The following UBAP2L variants were observed in gnomAD, a reference collection of about 807,000 sequenced individuals.
UBAP2L encodes the protein ubiquitin associated protein 2 like, also known as ubiquitin-associated protein 2-like.
UBAP2L carries 12 observed loss-of-function variants against 130.6 expected under a neutral mutation model. The observed-to-expected ratio is 0.09, with a 90% CI of 0.06 to 0.15. The LOEUF (loss-of-function observed/expected upper bound fraction) is 0.15. Ranked by LOEUF, UBAP2L falls within the 10% of genes least tolerant of loss-of-function variation. UBAP2L has a pLI of 1.00. For missense variants in UBAP2L, 965 were observed against 1,332.5 expected (o/e 0.72, Z 4.29); for synonymous variants, 503 against 524.7 (o/e 0.96, Z 0.57).
At chr1:154,238,498 A>G (rs528213697) in intron 8 of UBAP2L, among the ~76,000 whole-genome samples, 1 of 152,234 alleles carries the variant, frequency 6.6e-6, no homozygotes, top group Non-Finnish European at 1.5e-5. Flanking sequence ...TTTAGTTGTG[A>G]ATAGAAATTC....
intron 8 of UBAP2L, 61 bp from the exon 9 acceptor site, chr1:154,241,452 A>G (rs1432821594): frequency 1.8e-5 from 28 of 1,547,630 alleles, no homozygotes; most frequent in East Asian, 1.1e-4. Context: ...GATGTTTTCT[A>G]TACATGCTTT....
At chr1:154,263,237 G>A in intron 24 of UBAP2L, 2 of 1,543,358 alleles carry the variant, frequency 1.3e-6, no homozygotes, top group Non-Finnish European at 1.7e-6. Context: ...CCACTGAGGA[G>A]AGCCTGCTGA....
At chr1:154,257,479 G>A in intron 20 of UBAP2L, 45 bp downstream of exon 20, 3 of 1,605,062 alleles carry the variant, frequency 1.9e-6, no homozygotes, top group Non-Finnish European at 2.6e-6. Flanking sequence ...AGGATGTTGT[G>A]GCTACTCTTT....
At chr1:154,259,332 A>G (rs773831966) in intron 21 of UBAP2L, among the ~76,000 whole-genome samples, 38 of 152,154 alleles carry the variant, frequency 2.5e-4, no homozygotes, top group Non-Finnish European at 4.9e-4. Context: ...CTGGGATTAA[A>G]GGTGCCCACC....
At chr1:154,231,471 T>G (rs1178289522) in intron 4 of UBAP2L, among the ~76,000 whole-genome samples, 2 of 151,866 alleles carry the variant, frequency 1.3e-5, no homozygotes, top group Non-Finnish European at 2.9e-5. Flanking sequence ...TGGCTGATTT[T>G]GGTATGTTTA....
Position 154,251,505 on chromosome 1 carries a change from C to A in UBAP2L, c.1516C>A (p.Pro506Thr). 1 of 1,613,964 alleles carries A rather than the reference C, an allele frequency of 6.2e-7. No individual in the cohort carries two copies. The part of the protein sequence containing the change: ...SKIPALAVEM[P>T]GSADISGLNL... ...GATTCCTGCTCTGGCTGTGGAGATG[C>A]CTGGCTCAGCAGATATCTCAGGGCT... Residue 506 changes from proline (P) to threonine (T), a missense_variant, in exon 14 of 27, where the codon CCT becomes ACT. Physicochemically the swap from Pro to Thr is conservative, Grantham distance 38 (BLOSUM62 -1). Transcript: ENST00000428931.
At chr1:154,235,080 A>G (rs1671165982) in intron 5 of UBAP2L, 116 bp from the exon 6 acceptor site, 5 of 671,400 alleles carry the variant, frequency 7.4e-6, no homozygotes, top group African/African-American at 1.8e-5. Context: ...TTTAATTCCC[A>G]ATACCATATT....
rs1480957502 is a variant in UBAP2L at position 154,270,367 on chromosome 1, C to G, written c.*72C>G. On this transcript the variant is annotated 3_prime_UTR_variant, in exon 27 of 27. Coordinates refer to ENST00000428931, the MANE Select transcript of UBAP2L (RefSeq NM_014847.4). Reference sequence around the variant, plus strand: ...AGCCTGGAAACTATGGAAACAGCATCAAAGAGAAAGGAATGTGGGGGGTTT... The same window carrying G: ...AGCCTGGAAACTATGGAAACAGCATGAAAGAGAAAGGAATGTGGGGGGTTT... 2 of 1,602,290 alleles carry G rather than the reference C, an allele frequency of 1.2e-6. No homozygotes were observed. The highest frequency in any genetic ancestry group is 1.7e-6 in the Non-Finnish European group (2 of 1,175,572).
intron 10 of UBAP2L, among the ~76,000 whole-genome samples, chr1:154,243,585 C>T (rs551955147): frequency 3.3e-5 from 5 of 152,216 alleles, no homozygotes; most frequent in African/African-American, 7.2e-5. Context: ...CTCAGTCTCC[C>T]GAGTAGCTGG....
intron 7 of UBAP2L, 83 bp from the exon 8 acceptor site, chr1:154,236,941 T>C: frequency 3.9e-6 from 4 of 1,015,252 alleles, no homozygotes; most frequent in Non-Finnish European, 6.1e-6. Context: ...CTAGGAAGGA[T>C]GCAGTCAAGA....
chr1:154,260,806 C>G, intron 22 of UBAP2L, 86 bp from the exon 23 acceptor site: 1 of 1,319,808 alleles, frequency 7.6e-7, no homozygotes, highest in Non-Finnish European at 1.1e-6. Flanking sequence ...AACAGGATCT[C>G]CTGGAATCAT....
At position 154,268,786 on chromosome 1, in the gene UBAP2L, C is replaced by T. The variant is rs780251866; in HGVS notation, c.3000C>T (p.Ser1000=). ...CCTTTGAGAAACAAGGTTTTCATTCCGGTACTCCTGCTGCTTCCTTCAACT... is the reference window on the plus strand; with the variant it reads ...CCTTTGAGAAACAAGGTTTTCATTCTGGTACTCCTGCTGCTTCCTTCAACT... The part of the protein sequence containing the change: ...QQSFEKQGFH[S]GTPAASFNLP... The change falls in exon 26 of 27, where the codon TCC becomes TCT. Residue 1000 remains serine, a synonymous_variant. Transcript: ENST00000428931. The T allele has an allele frequency of 1.9e-5, 31 of 1,614,098 alleles. No individual in the cohort carries two copies. Among genetic ancestry groups the T allele is most frequent in the South Asian group, 8.8e-5 (8 of 91,076 alleles).
At chr1:154,223,260 A>G (rs941642764) in intron 1 of UBAP2L, among the ~76,000 whole-genome samples, 4 of 152,200 alleles carry the variant, frequency 2.6e-5, no homozygotes, top group Non-Finnish European at 5.9e-5. Context: ...TCTGACTGGT[A>G]CAGTATATGC....
intron 8 of UBAP2L, among the ~76,000 whole-genome samples, chr1:154,240,395 A>T (rs1673123382): frequency 6.6e-6 from 1 of 152,144 alleles, no homozygotes; most frequent in African/African-American, 2.4e-5. Context: ...TTTCTCCAGT[A>T]GAAACTGTAT....
At chr1:154,223,482 A>G (rs1666980925) in intron 1 of UBAP2L, among the ~76,000 whole-genome samples, 1 of 151,640 alleles carries the variant, frequency 6.6e-6, no homozygotes, top group African/African-American at 2.4e-5. Flanking sequence ...ATATGTGTAT[A>G]TGTAGTCTTG....
At chr1:154,254,986 C>T (rs767245808) in intron 16 of UBAP2L, 96 bp downstream of exon 16, 2 of 1,454,956 alleles carry the variant, frequency 1.4e-6, no homozygotes, top group Non-Finnish European at 1.9e-6. Flanking sequence ...CAATTGAGAC[C>T]CATGCTGTGT....
chr1:154,238,324 C>A (rs562839591), intron 8 of UBAP2L, among the ~76,000 whole-genome samples: 5 of 152,142 alleles, frequency 3.3e-5, no homozygotes, highest in Admixed American at 2.6e-4. Context: ...TACTATACTT[C>A]GGAGGCATTA....
At chr1:154,221,645 G>A (rs777189794) in intron 1 of UBAP2L, among the ~76,000 whole-genome samples, 1 of 152,198 alleles carries the variant, frequency 6.6e-6, no homozygotes, top group African/African-American at 2.4e-5. Flanking sequence ...TGGCGCTGAG[G>A]GGGGTGAGCC....
At chr1:154,257,997 C>G (rs564154798) in intron 20 of UBAP2L, among the ~76,000 whole-genome samples, 6 of 152,266 alleles carry the variant, frequency 3.9e-5, no homozygotes, top group African/African-American at 1.4e-4. Context: ...GCAGATCTTG[C>G]TCTTTTACCC....
Sources: allele counts gnomAD v4.1 joint callset (sites outside exome capture counted in the v4.1 genomes callset), GRCh38; gene constraint gnomAD v4.1.1; transcripts MANE v1.5; gene names NCBI Gene and HGNC (gene_info 2026-07-23, HGNC 2026-07-21).